The following ENPP2 variants were observed in gnomAD, a reference collection of about 807,000 sequenced individuals.
The protein encoded by ENPP2 is autotaxin.
In ENPP2, 51 loss-of-function variants were observed where a neutral mutation model predicts 120.2. The ratio of observed to expected loss-of-function variants is 0.42; its 90% CI spans 0.34 to 0.54. The LOEUF (loss-of-function observed/expected upper bound fraction) is 0.54, where lower values mean the gene tolerates loss of function less well. Ranked by LOEUF, ENPP2 falls within the 20% of genes least tolerant of loss-of-function variation. The probability of loss-of-function intolerance (pLI) is 0.04; values close to 1 mark genes in which losing one functional copy is unlikely to be tolerated. For synonymous variants in ENPP2, 365 were observed against 366.4 expected (o/e 1.00, Z 0.04); for missense variants, 920 against 1,066.5 (o/e 0.86, Z 1.91).
At chr8:119,616,422 AC>A in intron 7 of ENPP2, 38 bp from the exon 8 acceptor site, 1 of 1,465,108 alleles carries the variant, frequency 6.8e-7, no homozygotes, top group Non-Finnish European at 9.5e-7. Flanking sequence ...AAATAACAAT[AC>A]AATAATCCAC....
rs1426391939 is a variant in ENPP2, at chr8:119,596,686, A to G, written c.973-2826T>C. Among the ~76,000 whole-genome samples, 4 of 152,242 alleles carry G rather than the reference A, an allele frequency of 2.6e-5. No individual in the cohort carries two copies. The East Asian group carries it at 7.7e-4, about 29-fold the overall frequency. ...TTTCAGTACAGAGGAACTCTAAGTT[A>G]AAGTCCTTTTAAAATTAGGTAAAAT... On this transcript the variant is annotated intron_variant, in intron 11 of 24. Transcript: ENST00000075322.
chr8:119,647,408 A>T (rs1051711862), intron 1 of ENPP2, among the ~76,000 whole-genome samples: 1 of 152,176 alleles, frequency 6.6e-6, no homozygotes, highest in African/African-American at 2.4e-5. Context: ...TAATAGGAAC[A>T]CAATAAATAT....
intron 11 of ENPP2, among the ~76,000 whole-genome samples, chr8:119,594,919 G>A (rs1412265254): frequency 1.3e-5 from 2 of 152,144 alleles, no homozygotes. Flanking sequence ...TTATTTCATT[G>A]GGAAATCAGG....
chr8:119,633,865 C>A (rs1359219734), intron 2 of ENPP2, among the ~76,000 whole-genome samples: 1 of 151,656 alleles, frequency 6.6e-6, no homozygotes, highest in Middle Eastern at 3.2e-3. Flanking sequence ...TTTTTAAACA[C>A]CTGTGCTTTC....
chr8:119,668,432 T>C (rs1818141688), intron 1 of ENPP2, among the ~76,000 whole-genome samples: 1 of 138,228 alleles, frequency 7.2e-6, no homozygotes, highest in Non-Finnish European at 1.5e-5. Flanking sequence ...TCTTTTTCTT[T>C]TTTTTTTTTT....
At chr8:119,669,140 C>A (rs998242720) in intron 1 of ENPP2, among the ~76,000 whole-genome samples, 4 of 152,182 alleles carry the variant, frequency 2.6e-5, no homozygotes, top group African/African-American at 9.7e-5. Context: ...GCTGAATAAA[C>A]AGGAATGAAG....
In ENPP2 at chr8:119,579,375, A is replaced by T. The variant is rs550055474; in HGVS notation, c.1780+741T>A. Among the ~76,000 whole-genome samples, 9 of 152,280 alleles carry T rather than the reference A, an allele frequency of 5.9e-5. No homozygotes were observed. In the East Asian group the frequency reaches 1.7e-3, roughly 29 times the overall value. ...AGTGACATATGCCTCATAAAAGCAG[A>T]AGCATTAAGACACAGTGCACAGTTC... On this transcript the variant is annotated intron_variant, in intron 19 of 24. Coordinates refer to ENST00000075322, the MANE Select transcript of ENPP2 (RefSeq NM_001040092.3).
chr8:119,600,798 CA>C, intron 10 of ENPP2, 48 bp from the exon 11 acceptor site: 4 of 993,886 alleles, frequency 4.0e-6, no homozygotes, highest in Non-Finnish European at 6.2e-6. Context: ...CCACATGTAA[CA>C]AAAAATATCA....
In ENPP2 at chr8:119,638,470, G is replaced by T; in HGVS notation, c.91C>A (p.His31Asn). 6.2e-7 allele frequency: 1 copy of T among 1,610,640 alleles called. No homozygotes were observed. Among genetic ancestry groups the T allele is most frequent in the Non-Finnish European group, 8.5e-7 (1 of 1,176,804 alleles). Residue 31 changes from histidine to asparagine, a missense_variant, in exon 2 of 25, where the codon CAT (histidine) becomes AAT (asparagine). Transcript: ENST00000075322. ...GVNICLGFTA[H>N]RIKRAEGWEE... is the part of the protein sequence containing the mutation. Reference sequence around the variant, plus strand: ...CATCCTTCTGCTCTCTTAATTCGATGTGCAGTGAATCCTAAGCAGATATTG... The same window carrying T: ...CATCCTTCTGCTCTCTTAATTCGATTTGCAGTGAATCCTAAGCAGATATTG...
At chr8:119,597,255 C>G (rs2130517615) in intron 11 of ENPP2, among the ~76,000 whole-genome samples, 1 of 152,210 alleles carries the variant, frequency 6.6e-6, no homozygotes, top group South Asian at 2.1e-4. Flanking sequence ...AGAAAAGCAG[C>G]AAAAGGAAAA....
intron 10 of ENPP2, among the ~76,000 whole-genome samples, chr8:119,601,136 G>A (rs764248240): frequency 6.6e-5 from 10 of 152,180 alleles, no homozygotes; most frequent in Admixed American, 3.9e-4. Context: ...GATGCTGCTG[G>A]TTCATTTATC....
At chr8:119,597,920 T>C (rs1276935050) in intron 11 of ENPP2, among the ~76,000 whole-genome samples, 1 of 152,240 alleles carries the variant, frequency 6.6e-6, no homozygotes, top group Non-Finnish European at 1.5e-5. Flanking sequence ...TTGTAGCATA[T>C]AGCATTTTGG....
At chr8:119,569,738 T>TGTG (rs1814799066) in intron 20 of ENPP2, among the ~76,000 whole-genome samples, 2 of 90,760 alleles carry the variant, frequency 2.2e-5, no homozygotes, top group Non-Finnish European at 4.4e-5. Context: ...AATAGACTAT[T>TGTG]TATCTGTGTG....
At chr8:119,627,347 A>G (rs956838453) in intron 2 of ENPP2, among the ~76,000 whole-genome samples, 1 of 152,238 alleles carries the variant, frequency 6.6e-6, no homozygotes, top group African/African-American at 2.4e-5. Context: ...ATCAGAAATC[A>G]AAAGAATCAA....
intron 11 of ENPP2, chr8:119,595,860 G>A (rs1373341319): frequency 2.5e-6 from 4 of 1,613,990 alleles, no homozygotes; most frequent in Non-Finnish European, 3.4e-6. Context: ...GTCCTGACGA[G>A]TTTCCGCAGC....
At chr8:119,580,980 T>C (rs1457605859) in intron 18 of ENPP2, 1 of 152,052 alleles carries the variant, frequency 6.6e-6, no homozygotes, top group Non-Finnish European at 1.5e-5. Context: ...TTAATAAATA[T>C]ATAAGGCCAG....
chr8:119,648,466 G>A (rs1817536997), intron 1 of ENPP2, among the ~76,000 whole-genome samples: 1 of 152,212 alleles, frequency 6.6e-6, no homozygotes, highest in South Asian at 2.1e-4. Context: ...AAACAGCTTT[G>A]AAGGACACAT....
At chr8:119,627,725 G>C (rs1226627491) in intron 2 of ENPP2, among the ~76,000 whole-genome samples, 1 of 151,972 alleles carries the variant, frequency 6.6e-6, no homozygotes, top group Non-Finnish European at 1.5e-5. Context: ...AGCCCAGCGT[G>C]GTGGCAGGTG....
intron 8 of ENPP2, among the ~76,000 whole-genome samples, chr8:119,613,641 G>A (rs943676719): frequency 2.0e-5 from 3 of 152,096 alleles, no homozygotes; most frequent in Non-Finnish European, 2.9e-5. Context: ...TGAGAGGATG[G>A]TATAAATGCT....
Sources: allele counts gnomAD v4.1 joint callset (sites outside exome capture counted in the v4.1 genomes callset), GRCh38; gene constraint gnomAD v4.1.1; transcripts MANE v1.5; gene names NCBI Gene and HGNC (gene_info 2026-07-23, HGNC 2026-07-21).